Variants in CDH4 observed in about 807,000 individuals in gnomAD.
CDH4 encodes cadherin-4.
A neutral mutation model predicts 86.0 loss-of-function variants in CDH4; 33 were observed. The observed-to-expected ratio is 0.38, with a 90% CI of 0.29 to 0.51. The LOEUF (loss-of-function observed/expected upper bound fraction) is 0.51. Ranked by LOEUF, CDH4 falls within the 20% of genes least tolerant of loss-of-function variation. The pLI is 0.86. For synonymous variants in CDH4, 555 were observed against 549.4 expected (o/e 1.01, Z -0.14); for missense variants, 1,114 against 1,307.4 (o/e 0.85, Z 2.28).
At chr20:61,372,648 T>C (rs2084847065) in intron 2 of CDH4, among the ~76,000 whole-genome samples, 1 of 152,170 alleles carries the variant, frequency 6.6e-6, no homozygotes, top group Non-Finnish European at 1.5e-5. Flanking sequence ...ATGGCTCCAG[T>C]TCTCGGTTAC....
intron 2 of CDH4, among the ~76,000 whole-genome samples, chr20:61,293,978 C>A (rs2084337800): frequency 6.6e-6 from 1 of 152,100 alleles, no homozygotes; most frequent in Non-Finnish European, 1.5e-5. Context: ...GCATGGGGGT[C>A]TTTGTGGTCG....
Position 61,417,369 on chromosome 20 carries a change from C to G in CDH4, c.169+162432C>G, listed in dbSNP as rs2085152735. Among the ~76,000 whole-genome samples, 2 of 152,088 alleles carry G rather than the reference C, an allele frequency of 1.3e-5. No individual in the cohort carries two copies. The highest frequency in any genetic ancestry group is 1.3e-4 in the Admixed American group (2 of 15,266). ...CTAGCCCCTCTCTCTCCTCCCTCTC[C>G]CTGTTACCAGCAAACCTGCTGAGGT... On this transcript the variant is annotated intron_variant, in intron 2 of 15. Transcript: ENST00000614565. This position sits in a 1 kb window ranked among gnomAD's most constrained non-coding sequence, Gnocchi z 4.0.
At chr20:61,565,122 T>TTGGTGATGGGGTGGTGGTGGTAGGTGG (rs1383887003) in intron 2 of CDH4, among the ~76,000 whole-genome samples, 8 of 104,328 alleles carry the variant, frequency 7.7e-5, no homozygotes, top group Non-Finnish European at 1.0e-4. Flanking sequence ...GCTGGTGCTC[T>TTGGTGATGGGGTGGTGGTGGTAGGTGG]TGGTGGTGCT....
rs941706843 is a variant in CDH4, at chr20:61,499,369, G to T, written c.170-244194G>T. The T allele has an allele frequency of 1.1e-5, 11 of 1,040,008 alleles. No individual in the cohort carries two copies. The African/African-American group carries it at 1.5e-4, about 14-fold the overall frequency. 64.4% of individuals were successfully genotyped at this position (1,040,008 alleles called of 1,614,324 possible). On this transcript the variant is annotated intron_variant, in intron 2 of 15. Transcript: ENST00000614565. ...ACCTAGAAGGATAGCAGTGCCTCTT[G>T]CTCTGCCCTGTTAAAGGTTATGCGG...
rs1038213504 is a variant in CDH4 at position 61,676,196 on chromosome 20, C to T, written c.170-67367C>T. On this transcript the variant is annotated intron_variant, in intron 2 of 15. Coordinates refer to ENST00000614565, the MANE Select transcript of CDH4 (RefSeq NM_001794.5). The surrounding 1 kb of genome is among the most constrained non-coding windows in gnomAD (Gnocchi z 4.5). ...CAGAAAATCACATCCTTCCGTCATT[C>T]CCATTAACATTCGCCTGGTGTCAGG... Among the ~76,000 whole-genome samples, 9 of 152,218 alleles carry T rather than the reference C, an allele frequency of 5.9e-5. No homozygotes were observed. Among genetic ancestry groups the T allele is most frequent in the African/African-American group, 1.4e-4 (6 of 41,448 alleles).
intron 4 of CDH4, among the ~76,000 whole-genome samples, chr20:61,816,570 C>T (rs1207629613): frequency 6.6e-6 from 1 of 152,140 alleles, no homozygotes; most frequent in Non-Finnish European, 1.5e-5. Context: ...CTGCTTGAGC[C>T]GAAATACGCT....
At chr20:61,438,312 C>T (rs955854562) in intron 2 of CDH4, among the ~76,000 whole-genome samples, 1 of 152,156 alleles carries the variant, frequency 6.6e-6, no homozygotes, top group South Asian at 2.1e-4. Context: ...ATGAAGAATT[C>T]ACATTATATA....
At chr20:61,535,895 C>A (rs1167194635) in intron 2 of CDH4, among the ~76,000 whole-genome samples, 4 of 152,216 alleles carry the variant, frequency 2.6e-5, no homozygotes, top group Non-Finnish European at 5.9e-5. Flanking sequence ...GGTTAGACGC[C>A]CTTTGGGTTT....
chr20:61,512,712 G>C (rs1225184572), intron 2 of CDH4, among the ~76,000 whole-genome samples: 8 of 152,192 alleles, frequency 5.3e-5, no homozygotes, highest in Non-Finnish European at 1.2e-4. Context: ...TGGTGCCTGG[G>C]GACCTACAGC....
At chr20:61,925,620 G>C (rs950671917) in intron 11 of CDH4, among the ~76,000 whole-genome samples, 16 of 152,248 alleles carry the variant, frequency 1.1e-4, no homozygotes, top group Non-Finnish European at 1.0e-4. Context: ...GCTGTGGCTT[G>C]GCTGACAGCC....
intron 2 of CDH4, among the ~76,000 whole-genome samples, chr20:61,600,151 A>G (rs1441466446): frequency 6.6e-6 from 1 of 152,260 alleles, no homozygotes; most frequent in Non-Finnish European, 1.5e-5. Context: ...AAAGCAGCAC[A>G]GGTCCCGCGC....
intron 2 of CDH4, among the ~76,000 whole-genome samples, chr20:61,677,560 A>G (rs1351965812): frequency 6.6e-6 from 1 of 150,908 alleles, no homozygotes; most frequent in Non-Finnish European, 1.5e-5. Context: ...ACTCATTCAG[A>G]CTACCTCCTT....
intron 7 of CDH4, among the ~76,000 whole-genome samples, chr20:61,891,272 G>C (rs1984806092): frequency 6.6e-6 from 1 of 152,210 alleles, no homozygotes; most frequent in Non-Finnish European, 1.5e-5. Flanking sequence ...CGGCTATGTG[G>C]TCAGCAGAAC....
chr20:61,535,456 G>A (rs1413984063), intron 2 of CDH4, among the ~76,000 whole-genome samples: 1 of 152,244 alleles, frequency 6.6e-6, no homozygotes, highest in African/African-American at 2.4e-5. Flanking sequence ...CTGACAGAGA[G>A]GAAATAATGG....
At chr20:61,837,640 G>T (rs949277220) in intron 4 of CDH4, among the ~76,000 whole-genome samples, 8 of 152,156 alleles carry the variant, frequency 5.3e-5, no homozygotes, top group African/African-American at 1.9e-4. Flanking sequence ...GGCTTCTGAG[G>T]CTGTGGTGAG....
intron 15 of CDH4, among the ~76,000 whole-genome samples, chr20:61,935,743 T>C (rs1019746368): frequency 2.6e-5 from 4 of 152,062 alleles, no homozygotes; most frequent in Non-Finnish European, 5.9e-5. Flanking sequence ...AAAAATTAGC[T>C]GGGCATGGTG....
At chr20:61,590,588 C>G (rs1367664140) in intron 2 of CDH4, among the ~76,000 whole-genome samples, 1 of 152,172 alleles carries the variant, frequency 6.6e-6, no homozygotes, top group Non-Finnish European at 1.5e-5. Flanking sequence ...TCGTCCATGG[C>G]TAGGGAGGAG....
intron 2 of CDH4, among the ~76,000 whole-genome samples, chr20:61,317,723 G>A (rs2084484511): frequency 6.6e-6 from 1 of 152,124 alleles, no homozygotes; most frequent in Non-Finnish European, 1.5e-5. Context: ...TGTCCCCTGG[G>A]AGCAGGGACC....
Position 61,801,184 on chromosome 20 carries a change from C to T in CDH4, c.576+28002C>T, listed in dbSNP as rs117309462. 7.1e-3 allele frequency among the ~76,000 whole-genome samples: 1,075 copies of T among 152,306 alleles called. 13 individuals are homozygous for T. Among genetic ancestry groups the T allele is most frequent in the South Asian group, 0.016 (77 of 4,826 alleles). ...AGGGCTTGGGGACAAAAGGCATGGA[C>T]AGCAGCACCTCTCAGTGTCTGCAGG... On this transcript the variant is annotated intron_variant, in intron 4 of 15. Transcript: ENST00000614565.
Sources: allele counts gnomAD v4.1 joint callset (sites outside exome capture counted in the v4.1 genomes callset), GRCh38; gene constraint gnomAD v4.1.1; non-coding constraint Gnocchi (gnomAD v3.1); transcripts MANE v1.5; gene names NCBI Gene and HGNC (gene_info 2026-07-23, HGNC 2026-07-21).